SLC17A6: variants seen among roughly 807,000 people sequenced by gnomAD.
SLC17A6 encodes solute carrier family 17 member 6, also known as vesicular glutamate transporter 2.
SLC17A6 carries 35 observed loss-of-function variants against 67.1 expected under a neutral mutation model. The ratio of observed to expected loss-of-function variants is 0.52; its 90% confidence interval spans 0.40 to 0.69. SLC17A6 has a LOEUF of 0.69. Ranked by LOEUF, SLC17A6 falls within the 30% of genes least tolerant of loss-of-function variation. The probability of loss-of-function intolerance (pLI) is 0.00; values close to 1 mark genes in which losing one functional copy is unlikely to be tolerated. For missense variants in SLC17A6, 588 were observed against 723.9 expected (o/e 0.81, Z 2.15); for synonymous variants, 285 against 252.3 (o/e 1.13, Z -1.23).
intron 3 of SLC17A6, among the ~76,000 whole-genome samples, chr11:22,344,309 G>A (rs1855851945): frequency 6.6e-6 from 1 of 152,022 alleles, no homozygotes; most frequent in African/African-American, 2.4e-5. Context: ...AAAGGAAGAG[G>A]ACTAGAAGTT....
Position 22,375,563 on chromosome 11 carries a change from C to A in SLC17A6, c.1175-419C>A, listed in dbSNP as rs569478773. ...TGGCATGATCTCGGCTCACCACAAC[C>A]CCCGCCTCCCGGGTTCAAGCGATTC... On this transcript the variant is annotated intron_variant, in intron 9 of 11. Coordinates refer to ENST00000263160, the MANE Select transcript of SLC17A6 (RefSeq NM_020346.3). Among the ~76,000 whole-genome samples the A allele has an allele frequency of 4.6e-5, 7 of 151,706 alleles. No individual in the cohort carries two copies. In the South Asian group the frequency reaches 1.5e-3, roughly 32 times the overall value.
chr11:22,350,321 CAT>C lies in SLC17A6; in HGVS notation c.458+6959_458+6960del, dbSNP rs1430034350. ...AACATCAATGTGCATAAAATAATGA[CAT>C]ATGATTATTTCATACTGTAAAAGAA... On this transcript the variant is annotated intron_variant, in intron 3 of 11. Coordinates refer to ENST00000263160, the MANE Select transcript of SLC17A6 (RefSeq NM_020346.3). Among the ~76,000 whole-genome samples, 8 of 152,118 alleles carry C rather than the reference CAT, an allele frequency of 5.3e-5. No individual in the cohort carries two copies. The South Asian group carries it at 1.7e-3, about 32-fold the overall frequency.
chr11:22,363,951 A>G (rs1420602746), intron 6 of SLC17A6, among the ~76,000 whole-genome samples: 3 of 152,172 alleles, frequency 2.0e-5, no homozygotes, highest in Admixed American at 1.3e-4. Flanking sequence ...GTCTTTGTCC[A>G]TTACTTAAGT....
intron 7 of SLC17A6, among the ~76,000 whole-genome samples, chr11:22,367,571 GAGC>G (rs1011021952): frequency 6.6e-6 from 1 of 152,130 alleles, no homozygotes; most frequent in Non-Finnish European, 1.5e-5. Flanking sequence ...CAGTTATTTT[GAGC>G]AGAAGTTCTG....
At position 22,365,561 on chromosome 11, in the gene SLC17A6, G is replaced by A. The variant is rs753099224; in HGVS notation, c.763G>A (p.Val255Ile). The stretch of plus-strand genomic sequence containing the variant: ...GTTGCTTGCAGGAAGCTTTGGAATG[G>A]TCTGGTACATGTTTTGGCTTTTGGT... ...VFYVYGSFGM[V>I]WYMFWLLVSY... Residue 255 changes from valine to isoleucine, a missense_variant, in exon 7 of 12, where the codon GTC becomes ATC. Val to Ile is a conservative substitution (Grantham distance 29). Transcript: ENST00000263160. The A allele has an allele frequency of 6.2e-7, 1 of 1,613,930 alleles. No homozygotes were observed. The highest frequency in any genetic ancestry group is 1.1e-5 in the South Asian group (1 of 91,076).
chr11:22,360,273 C>A (rs1856036024), intron 4 of SLC17A6, among the ~76,000 whole-genome samples: 1 of 151,946 alleles, frequency 6.6e-6, no homozygotes, highest in African/African-American at 2.4e-5. Context: ...GGGAGCTGAA[C>A]AATGAGAACA....
intron 3 of SLC17A6, among the ~76,000 whole-genome samples, chr11:22,351,816 C>T (rs1170090046): frequency 2.0e-5 from 3 of 152,096 alleles, no homozygotes; most frequent in Non-Finnish European, 4.4e-5. Flanking sequence ...TGATGAACAT[C>T]ATTTTCAGGG....
intron 10 of SLC17A6, 128 bp from the exon 11 acceptor site, chr11:22,376,417 A>T (rs1448953165): frequency 3.0e-6 from 3 of 999,350 alleles, no homozygotes; most frequent in African/African-American, 3.2e-5. Flanking sequence ...GAGAGAAATT[A>T]TCACAAAGTA....
At position 22,362,724 on chromosome 11, in the gene SLC17A6, T is replaced by G. The variant is rs746969498; in HGVS notation, c.662-15T>G. 5 of 1,607,944 alleles carry G rather than the reference T, an allele frequency of 3.1e-6. No homozygotes were observed. In the East Asian group the frequency reaches 1.1e-4, roughly 36 times the overall value. On this transcript the variant is annotated splice_polypyrimidine_tract_variant and intron_variant, in intron 5 of 11. Coordinates refer to ENST00000263160, the MANE Select transcript of SLC17A6 (RefSeq NM_020346.3). The stretch of plus-strand genomic sequence containing the variant: ...GATTTCACTCACCTTTCTCCCATTC[T>G]TCCTTACACTTTAGGTTCCTATGCC...
chr11:22,357,998 G>A, intron 3 of SLC17A6, among the ~76,000 whole-genome samples: 1 of 152,270 alleles, frequency 6.6e-6, no homozygotes, highest in Non-Finnish European at 1.5e-5. Flanking sequence ...AATAGAAAAA[G>A]TTTTAATTCA....
intron 7 of SLC17A6, among the ~76,000 whole-genome samples, chr11:22,366,394 C>A (rs931018115): frequency 6.6e-6 from 1 of 151,906 alleles, no homozygotes. Flanking sequence ...GTATTTATGT[C>A]ATATGTAGTT....
chr11:22,348,229 A>AGC (rs1305664874), intron 3 of SLC17A6, among the ~76,000 whole-genome samples: 86 of 152,210 alleles, frequency 5.7e-4, no homozygotes, highest in Non-Finnish European at 1.0e-3. Flanking sequence ...GCTTCATTGC[A>AGC]AAGTTTGCTT....
chr11:22,342,395 C>CGCTTA (rs1016026493), intron 2 of SLC17A6, among the ~76,000 whole-genome samples: 4 of 152,146 alleles, frequency 2.6e-5, no homozygotes, highest in African/African-American at 9.7e-5. Context: ...GTAAACCAGA[C>CGCTTA]TAAGCAGGAG....
At chr11:22,373,484 T>A (rs780838805) in intron 8 of SLC17A6, among the ~76,000 whole-genome samples, 4 of 152,144 alleles carry the variant, frequency 2.6e-5, no homozygotes, top group Non-Finnish European at 4.4e-5. Flanking sequence ...TAATGTCAGT[T>A]TACCTGACAT....
intron 3 of SLC17A6, among the ~76,000 whole-genome samples, chr11:22,349,775 C>T (rs953296423): frequency 3.3e-5 from 5 of 152,182 alleles, no homozygotes; most frequent in African/African-American, 1.2e-4. Context: ...TGGCTCATGC[C>T]TGTGTATTCC....
intron 3 of SLC17A6, among the ~76,000 whole-genome samples, chr11:22,352,660 G>A (rs1440627302): frequency 2.0e-5 from 3 of 152,142 alleles, no homozygotes; most frequent in Non-Finnish European, 4.4e-5. Context: ...GGACGGCTTG[G>A]GGAATGTACA....
chr11:22,338,851 G>A (rs1439168771), intron 1 of SLC17A6, among the ~76,000 whole-genome samples: 2 of 143,368 alleles, frequency 1.4e-5, no homozygotes, highest in African/African-American at 5.2e-5. Flanking sequence ...GTGTGTGTGT[G>A]TTTGATTTTT....
chr11:22,340,227 C>T (rs925900669), intron 1 of SLC17A6, among the ~76,000 whole-genome samples: 1 of 152,120 alleles, frequency 6.6e-6, no homozygotes, highest in Non-Finnish European at 1.5e-5. Context: ...AGCAATTACA[C>T]GGTAGATTGG....
At chr11:22,343,928 C>T (rs1855848153) in intron 3 of SLC17A6, among the ~76,000 whole-genome samples, 1 of 152,104 alleles carries the variant, frequency 6.6e-6, no homozygotes, top group Non-Finnish European at 1.5e-5. Context: ...GTTGGGGGAG[C>T]CCTCAGCTGC....
Sources: allele counts gnomAD v4.1 joint callset (sites outside exome capture counted in the v4.1 genomes callset), GRCh38; gene constraint gnomAD v4.1.1; transcripts MANE v1.5; gene names NCBI Gene and HGNC (gene_info 2026-07-23, HGNC 2026-07-21).